TMPRSS11D: variants seen among roughly 807,000 people sequenced by gnomAD.
TMPRSS11D encodes transmembrane serine protease 11D, also known as transmembrane protease serine 11D.
TMPRSS11D carries 32 observed loss-of-function variants against 44.4 expected under a neutral mutation model. The observed-to-expected ratio is 0.72, with a 90% CI of 0.54 to 0.97. The LOEUF (loss-of-function observed/expected upper bound fraction) is 0.97, where lower values mean the gene tolerates loss of function less well. Ranked by LOEUF, TMPRSS11D falls within the 50% of genes least tolerant of loss-of-function variation. The pLI, the probability that TMPRSS11D is intolerant of heterozygous loss-of-function variation, is 0.00. For synonymous variants in TMPRSS11D, 179 were observed against 177.9 expected (o/e 1.01, Z -0.05); for missense variants, 446 against 502.6 (o/e 0.89, Z 1.08).
At chr4:67,833,538 C>T (rs1456984067) in intron 6 of TMPRSS11D, 157 bp from the exon 7 acceptor site, 4 of 599,944 alleles carry the variant, frequency 6.7e-6, no homozygotes, top group Non-Finnish European at 1.0e-5. Context: ...TATATTTCTA[C>T]AATGCATTTG....
intron 3 of TMPRSS11D, among the ~76,000 whole-genome samples, chr4:67,844,068 TCTC>T (rs1718299583): frequency 6.6e-6 from 1 of 152,174 alleles, no homozygotes; most frequent in Non-Finnish European, 1.5e-5. Context: ...CTGATACAGT[TCTC>T]CTGAGATGCA....
At chr4:67,874,526 T>G (rs1196654127) in intron 1 of TMPRSS11D, among the ~76,000 whole-genome samples, 1 of 152,172 alleles carries the variant, frequency 6.6e-6, no homozygotes, top group Non-Finnish European at 1.5e-5. Context: ...TGATTTTACC[T>G]CTATAGATAG....
chr4:67,846,392 A>G (rs13136380), intron 3 of TMPRSS11D, among the ~76,000 whole-genome samples: 108,798 of 151,926 alleles, frequency 0.72, 41,418 homozygotes, highest in Middle Eastern at 0.85. Flanking sequence ...GATATTTTTA[A>G]TATTATAATA....
chr4:67,864,122 T>G (rs945012307), intron 1 of TMPRSS11D, among the ~76,000 whole-genome samples: 1 of 152,072 alleles, frequency 6.6e-6, no homozygotes, highest in African/African-American at 2.4e-5. Flanking sequence ...TATTTTTATT[T>G]AAACTTACAC....
At chr4:67,864,317 G>A (rs1028545968) in intron 1 of TMPRSS11D, among the ~76,000 whole-genome samples, 1 of 151,968 alleles carries the variant, frequency 6.6e-6, no homozygotes, top group African/African-American at 2.4e-5. Flanking sequence ...TGGAGTACAA[G>A]AGTCAATACT....
intron 1 of TMPRSS11D, among the ~76,000 whole-genome samples, chr4:67,868,287 G>C (rs1011743118): frequency 2.0e-5 from 3 of 152,112 alleles, no homozygotes; most frequent in Non-Finnish European, 2.9e-5. Context: ...TAGAATAATG[G>C]AGACATGAAA....
At chr4:67,858,697 CAT>C (rs1201121356) in intron 2 of TMPRSS11D, among the ~76,000 whole-genome samples, 1 of 151,952 alleles carries the variant, frequency 6.6e-6, no homozygotes, top group Non-Finnish European at 1.5e-5. Flanking sequence ...CACCCGTACA[CAT>C]GATTTAAGTG....
chr4:67,827,265 A>G lies in TMPRSS11D; in HGVS notation c.948T>C (p.Tyr316=). ...TTTTTTTTCCGAGACACTTACCAGC[A>G]TATTCTTGAGCGCCCCATCCTGTTA... ...AYVTGWGAQE[Y]AGHTVPELRQ... is the part of the protein sequence containing the mutation. Residue 316 remains tyrosine, a synonymous_variant, in exon 8 of 10, where the codon TAT becomes TAC. Transcript: ENST00000283916. The G allele has an allele frequency of 1.3e-6, 2 of 1,596,938 alleles. No individual in the cohort carries two copies. The highest frequency in any genetic ancestry group is 1.4e-5 in the African/African-American group (1 of 73,958).
chr4:67,846,253 T>G (rs571343315), intron 3 of TMPRSS11D, among the ~76,000 whole-genome samples: 2 of 152,188 alleles, frequency 1.3e-5, no homozygotes, highest in East Asian at 3.9e-4. Context: ...AGCCAAAACA[T>G]GTATATTTAC....
At chr4:67,870,675 G>A (rs1214114360) in intron 1 of TMPRSS11D, among the ~76,000 whole-genome samples, 1 of 152,074 alleles carries the variant, frequency 6.6e-6, no homozygotes, top group Non-Finnish European at 1.5e-5. Flanking sequence ...TTAGCCGGGC[G>A]TGGTGGCGGG....
chr4:67,828,907 A>G (rs767630952), intron 7 of TMPRSS11D, among the ~76,000 whole-genome samples: 1 of 152,064 alleles, frequency 6.6e-6, no homozygotes, highest in Non-Finnish European at 1.5e-5. Context: ...GAAAAATAAC[A>G]TCTTCTTCTT....
At chr4:67,859,476 T>A in intron 2 of TMPRSS11D, 81 bp downstream of exon 2, 1 of 1,481,038 alleles carries the variant, frequency 6.8e-7, no homozygotes, top group Non-Finnish European at 9.2e-7. Flanking sequence ...AAAGCCATAG[T>A]AAAAGAAAGA....
chr4:67,833,279 A>G lies in TMPRSS11D; in HGVS notation c.617T>C (p.Leu206Pro). 1 of 1,599,412 alleles carries G rather than the reference A, an allele frequency of 6.3e-7. No individual in the cohort carries two copies. Reference protein sequence around the residue: ...GSWPWQVSLRLNNAHHCGGSL... With the variant: ...GSWPWQVSLRPNNAHHCGGSL... ...GCCTCCACAGTGGTGGGCATTATTGAGCCGCAGACTGACTTGCCACGGCCA... is the reference window on the plus strand; with the variant it reads ...GCCTCCACAGTGGTGGGCATTATTGGGCCGCAGACTGACTTGCCACGGCCA... Residue 206 changes from leucine (L) to proline (P), a missense_variant, in exon 7 of 10, where the codon CTC becomes CCC. Leu to Pro is a moderately conservative substitution (Grantham distance 98, BLOSUM62 -3). Transcript: ENST00000283916.
intron 1 of TMPRSS11D, among the ~76,000 whole-genome samples, chr4:67,862,742 T>C (rs900689806): frequency 9.2e-5 from 14 of 152,012 alleles, no homozygotes; most frequent in African/African-American, 2.9e-4. Context: ...AATTGATGAG[T>C]TCATGTCCTT....
intron 1 of TMPRSS11D, among the ~76,000 whole-genome samples, chr4:67,873,956 A>G (rs1719118072): frequency 6.6e-6 from 1 of 152,206 alleles, no homozygotes; most frequent in African/African-American, 2.4e-5. Context: ...TTATAGAACT[A>G]CAGTCATGAA....
chr4:67,839,456 C>G (rs1045073121), intron 4 of TMPRSS11D, among the ~76,000 whole-genome samples: 1 of 151,942 alleles, frequency 6.6e-6, no homozygotes, highest in Non-Finnish European at 1.5e-5. Context: ...TAAGGAAAAT[C>G]CTGGAAGACC....
intron 4 of TMPRSS11D, among the ~76,000 whole-genome samples, chr4:67,840,822 T>C (rs1718211808): frequency 6.6e-6 from 1 of 152,004 alleles, no homozygotes; most frequent in South Asian, 2.1e-4. Flanking sequence ...AAAATTAAAA[T>C]AAGAAATGTG....
At chr4:67,861,597 T>A (rs994973216) in intron 1 of TMPRSS11D, among the ~76,000 whole-genome samples, 1 of 152,068 alleles carries the variant, frequency 6.6e-6, no homozygotes, top group Non-Finnish European at 1.5e-5. Flanking sequence ...AGTTGGAGGC[T>A]AAAATCTCCA....
At chr4:67,825,937 T>C in intron 8 of TMPRSS11D, 63 bp from the exon 9 acceptor site, 1 of 1,443,998 alleles carries the variant, frequency 6.9e-7, no homozygotes, top group South Asian at 1.6e-5. Context: ...GACCCTATAA[T>C]AAATTTGAGA....
Sources: gnomAD v4.1 joint callset for allele counts (sites outside exome capture counted in the v4.1 genomes callset) on GRCh38, gnomAD v4.1.1 for gene constraint, MANE v1.5 for transcripts, NCBI Gene and HGNC (gene_info 2026-07-23, HGNC 2026-07-21) for gene names.